SHH: variants seen among roughly 807,000 people sequenced by gnomAD.
SHH encodes sonic hedgehog signaling molecule.
SHH carries 3 observed loss-of-function variants against 16.6 expected under a neutral mutation model. The observed-to-expected ratio is 0.18, with a 90% CI of 0.08 to 0.47. SHH has a LOEUF of 0.47. Ranked by LOEUF, SHH falls within the 20% of genes least tolerant of loss-of-function variation. The pLI is 0.98. For synonymous variants in SHH, 351 were observed against 316.2 expected (o/e 1.11, Z -1.17); for missense variants, 499 against 665.0 (o/e 0.75, Z 2.75).
intron 1 of SHH, 99 bp from the exon 2 acceptor site, chr7:155,806,656 C>A: frequency 1.4e-6 from 2 of 1,466,968 alleles, no homozygotes; most frequent in Middle Eastern, 2.0e-4. Flanking sequence ...AGTCTCAAGG[C>A]GCGAGGGCCA....
Position 155,802,864 on chromosome 7 carries a change from C to G in SHH, c.*36G>C. 1.7e-6 allele frequency: 1 copy of G among 580,872 alleles called. No homozygotes were observed. The highest frequency in any genetic ancestry group is 2.7e-6 in the Non-Finnish European group (1 of 368,600). 36.0% of individuals were successfully genotyped at this position (580,872 alleles called of 1,614,324 possible). On this transcript the variant is annotated 3_prime_UTR_variant, in exon 3 of 3. Coordinates refer to ENST00000297261, the MANE Select transcript of SHH (RefSeq NM_000193.4). ...TTGCGTTGCTGTTGCTGCCCCGCCC[C>G]GCCCCCTCCCGCGCCCCTCCCCCGG...
chr7:155,806,732 G>A, intron 1 of SHH, 175 bp from the exon 2 acceptor site: 1 of 781,860 alleles, frequency 1.3e-6, no homozygotes, highest in Non-Finnish European at 2.2e-6. Flanking sequence ...GCCCTGGGCT[G>A]GGGAAGAGGG....
In SHH at chr7:155,799,982, G is replaced by C; in HGVS notation, c.*2918C>G. The stretch of plus-strand genomic sequence containing the variant: ...TCTGCCACATAACAGACACTGAAGA[G>C]AGTCTCTGTAATTTCTTTAATTATT... On this transcript the variant is annotated 3_prime_UTR_variant, in exon 3 of 3. Transcript: ENST00000297261. The C allele has an allele frequency of 2.1e-6, 1 of 466,270 alleles. No individual in the cohort carries two copies. Among genetic ancestry groups the C allele is most frequent in the Non-Finnish European group, 4.5e-6 (1 of 223,762 alleles). 28.9% of individuals were successfully genotyped at this position (466,270 alleles called of 1,614,324 possible).
chr7:155,809,840 G>A lies in SHH; in HGVS notation c.300+1983C>T, dbSNP rs1803463382. On this transcript the variant is annotated intron_variant, in intron 1 of 2. Coordinates refer to ENST00000297261, the MANE Select transcript of SHH (RefSeq NM_000193.4). This position sits in a 1 kb window ranked among gnomAD's most constrained non-coding sequence, Gnocchi z 6.1. The stretch of plus-strand genomic sequence containing the variant: ...CGGCAGGGCGGACGGGGGTCGGGGG[G>A]AGGCCCCCGGGCTGGGGGCTCCGGC... 6.6e-6 allele frequency among the ~76,000 whole-genome samples: 1 copy of A among 151,704 alleles called. No homozygotes were observed. Among genetic ancestry groups the A allele is most frequent in the Admixed American group, 6.6e-5 (1 of 15,222 alleles).
chr7:155,803,547 C>T lies in SHH; in HGVS notation c.742G>A (p.Ala248Thr). Reference protein sequence around the residue: ...FLTFLDRDDGAKKVFYVIETR... With the variant: ...FLTFLDRDDGTKKVFYVIETR... ...TCGATCACGTAGAAGACCTTCTTGG[C>T]GCCGTCGTCGCGGTCCAGGAAAGTG... Residue 248 changes from alanine to threonine, a missense_variant, in exon 3 of 3, where the codon GCC becomes ACC. Transcript: ENST00000297261. 1 of 1,595,402 alleles carries T rather than the reference C, an allele frequency of 6.3e-7. No homozygotes were observed. Among genetic ancestry groups the T allele is most frequent in the Non-Finnish European group, 8.5e-7 (1 of 1,177,526 alleles).
At chr7:155,808,318 C>T (rs1364552291) in intron 1 of SHH, among the ~76,000 whole-genome samples, 2 of 152,238 alleles carry the variant, frequency 1.3e-5, no homozygotes, top group Non-Finnish European at 2.9e-5. Flanking sequence ...GCACAGGGAC[C>T]CCCATGCAAG....
At position 155,803,653 on chromosome 7, in the gene SHH, G is replaced by A. The variant is rs760754275; in HGVS notation, c.636C>T (p.Thr212=). 6.3e-7 allele frequency: 1 copy of A among 1,597,910 alleles called. No individual in the cohort carries two copies. The highest frequency in any genetic ancestry group is 1.1e-5 in the South Asian group (1 of 90,814). ...CGGGGCTCAGGTCCTTCACCAGCTTGGTGCCGCCCTGCTCCAGGTGCACCG... is the reference window on the plus strand; with the variant it reads ...CGGGGCTCAGGTCCTTCACCAGCTTAGTGCCGCCCTGCTCCAGGTGCACCG... The part of the protein sequence containing the change: ...SATVHLEQGG[T]KLVKDLSPGD... Residue 212 remains threonine (T), a synonymous_variant, in exon 3 of 3, where the codon ACC becomes ACT. Coordinates refer to ENST00000297261, the MANE Select transcript of SHH (RefSeq NM_000193.4).
rs781396056 is a variant in SHH, at chr7:155,803,399, C to T, written c.890G>A (p.Gly297Asp). 142 of 1,510,522 alleles carry T rather than the reference C, an allele frequency of 9.4e-5. 1 individual carries two copies. Among genetic ancestry groups the T allele is most frequent in the South Asian group, 6.6e-4 (53 of 80,860 alleles). 93.6% of individuals were successfully genotyped at this position (1,510,522 alleles called of 1,614,324 possible). The change falls in exon 3 of 3, where the codon GGC becomes GAC. Residue 297 changes from glycine (G) to aspartate (D), a missense_variant. By Grantham distance (94) the Gly-to-Asp change is moderately conservative (BLOSUM62 -1). Transcript: ENST00000297261. Reference protein sequence around the residue: ...ASSGSGPPSGGALGPRALFAS... With the variant: ...ASSGSGPPSGDALGPRALFAS... ...GAACAGCGCCCGAGGCCCCAGTGCG[C>T]CCCCGGAAGGCGGCCCCGAGCCCGA...
At chr7:155,808,761 G>A (rs1803433647) in intron 1 of SHH, among the ~76,000 whole-genome samples, 1 of 152,194 alleles carries the variant, frequency 6.6e-6, no homozygotes, top group South Asian at 2.1e-4. Flanking sequence ...CAGGGCCGCC[G>A]GGGCCGGGCT....
chr7:155,805,567 A>C (rs1803334861), intron 2 of SHH, among the ~76,000 whole-genome samples: 1 of 152,116 alleles, frequency 6.6e-6, no homozygotes, highest in Non-Finnish European at 1.5e-5. Flanking sequence ...CTCGGGCCGG[A>C]GGTTTGCGTG....
rs541840779 is a variant in SHH, at chr7:155,811,216, G to A, written c.300+607C>T. Among the ~76,000 whole-genome samples the A allele has an allele frequency of 2.8e-3, 424 of 152,360 alleles. 2 individuals carry two copies. The highest frequency in any genetic ancestry group is 4.6e-3 in the Non-Finnish European group (310 of 68,040). On this transcript the variant is annotated intron_variant, in intron 1 of 2. Transcript: ENST00000297261. Reference sequence around the variant, plus strand: ...CTCTGCGATACAGCCAGCCACCCAGGGACGGGCGGAGTCTCCCCTGGAGCC... The same window carrying A: ...CTCTGCGATACAGCCAGCCACCCAGAGACGGGCGGAGTCTCCCCTGGAGCC...
Position 155,802,980 on chromosome 7 carries a change from G to T in SHH, c.1309C>A (p.Gln437Lys). The change falls in exon 3 of 3, where the codon CAG becomes AAG. Residue 437 changes from glutamine (Q) to lysine (K), a missense_variant. Gln to Lys is a moderately conservative substitution (Grantham distance 53). Transcript: ENST00000297261. ...CAGGTGCCTATTTGGTAGAGCAGCT[G>T]CGAGTACCAGTGGATGCCCGCGGTG... ...GATAGIHWYS[Q>K]LLYQIGTWLL... 1 of 1,551,290 alleles carries T rather than the reference G, an allele frequency of 6.4e-7. No homozygotes were observed. The highest frequency in any genetic ancestry group is 8.7e-7 in the Non-Finnish European group (1 of 1,149,088).
chr7:155,811,356 G>A (rs1803518815), intron 1 of SHH, among the ~76,000 whole-genome samples: 1 of 152,186 alleles, frequency 6.6e-6, no homozygotes, highest in African/African-American at 2.4e-5. Context: ...GGGAAACGTG[G>A]GGGCTCTGAG....
chr7:155,803,544 T>C lies in SHH; in HGVS notation c.745A>G (p.Lys249Glu). 6.3e-7 allele frequency: 1 copy of C among 1,595,570 alleles called. No homozygotes were observed. Among genetic ancestry groups the C allele is most frequent in the Non-Finnish European group, 8.5e-7 (1 of 1,177,472 alleles). ...LTFLDRDDGA[K>E]KVFYVIETRE... is the part of the protein sequence containing the mutation. ...GTCTCGATCACGTAGAAGACCTTCT[T>C]GGCGCCGTCGTCGCGGTCCAGGAAA... is the stretch of plus-strand genomic sequence containing the variant. Residue 249 changes from lysine to glutamate, a missense_variant, in exon 3 of 3, where the codon AAG becomes GAG. Coordinates refer to ENST00000297261, the MANE Select transcript of SHH (RefSeq NM_000193.4).
At chr7:155,806,607 C>A (rs773114779) in intron 1 of SHH, 50 bp from the exon 2 acceptor site, 1 of 1,608,496 alleles carries the variant, frequency 6.2e-7, no homozygotes, top group Non-Finnish European at 8.5e-7. Flanking sequence ...CCTGGGCAAC[C>A]GCCACCCCTC....
rs944319969 is a variant in SHH at position 155,802,860 on chromosome 7, G to GT, written c.*39_*40insA. On this transcript the variant is annotated 3_prime_UTR_variant, in exon 3 of 3. Transcript: ENST00000297261. ...TGCTTTGCGTTGCTGTTGCTGCCCC[G>GT]CCCCGCCCCCTCCCGCGCCCCTCCC... is the stretch of plus-strand genomic sequence containing the variant. 3 of 304,960 alleles carry GT rather than the reference G, an allele frequency of 9.8e-6. No individual in the cohort carries two copies. The highest frequency in any genetic ancestry group is 7.1e-5 in the African/African-American group (3 of 42,354). 18.9% of individuals were successfully genotyped at this position (304,960 alleles called of 1,614,324 possible).
At position 155,800,226 on chromosome 7, in the gene SHH, C is replaced by A; in HGVS notation, c.*2674G>T. ...ATGCCCTGTACCTAGTGTCTCTAAG[C>A]AGTGGTTTCCTTTCCTTGCCTGTGA... is the stretch of plus-strand genomic sequence containing the variant. On this transcript the variant is annotated 3_prime_UTR_variant, in exon 3 of 3. Transcript: ENST00000297261. The A allele has an allele frequency of 2.1e-6, 1 of 470,932 alleles. No individual in the cohort carries two copies. Among genetic ancestry groups the A allele is most frequent in the Non-Finnish European group, 4.4e-6 (1 of 227,006 alleles). The allele number at this position is 470,932 out of a possible 1,614,324, so 29.2% of individuals were successfully genotyped here. A position where few individuals can be genotyped will look rare whatever the true frequency, so the allele number is the denominator to read the frequency against.
At chr7:155,806,689 G>C in intron 1 of SHH, 132 bp from the exon 2 acceptor site, 2 of 1,142,254 alleles carry the variant, frequency 1.8e-6, no homozygotes, top group Non-Finnish European at 2.6e-6. Context: ...GGGAGACGGG[G>C]GTTGGAATGG....
chr7:155,811,780 C>A, intron 1 of SHH, 43 bp downstream of exon 1: 1 of 1,593,594 alleles, frequency 6.3e-7, no homozygotes, highest in East Asian at 2.2e-5. Flanking sequence ...CTCGTAACCC[C>A]CTGGAAAGCC....
Sources: allele counts gnomAD v4.1 joint callset (sites outside exome capture counted in the v4.1 genomes callset), GRCh38; gene constraint gnomAD v4.1.1; non-coding constraint Gnocchi (gnomAD v3.1); transcripts MANE v1.5; gene names NCBI Gene and HGNC (gene_info 2026-07-23, HGNC 2026-07-21).